CTNNA3: variants seen among roughly 807,000 people sequenced by gnomAD.
The protein encoded by CTNNA3 is catenin alpha-3.
CTNNA3 carries 76 observed loss-of-function variants against 95.7 expected under a neutral mutation model. The ratio of observed to expected loss-of-function variants is 0.79; its 90% confidence interval spans 0.66 to 0.96. The LOEUF (loss-of-function observed/expected upper bound fraction) is 0.96, where lower values mean the gene tolerates loss of function less well. Ranked by LOEUF, CTNNA3 falls within the 40% of genes least tolerant of loss-of-function variation. The probability of loss-of-function intolerance (pLI) is 0.00; values close to 1 mark genes in which losing one functional copy is unlikely to be tolerated. For missense variants in CTNNA3, 1,191 were observed against 1,089.8 expected (o/e 1.09, Z -1.31); for synonymous variants, 431 against 374.4 (o/e 1.15, Z -1.74).
Position 66,069,426 on chromosome 10 carries a change from T to C in CTNNA3, c.2041A>G (p.Lys681Glu), listed in dbSNP as rs142116698. ...GCATCCAGCTTACTCTTTACTTTCT[T>C]GAAATCAGCAACTTGCTCAGCAATC... ...EKIAEQVADFKKVKSKLDAEI... is the reference protein window; with the variant it reads ...EKIAEQVADFEKVKSKLDAEI... The change falls in exon 15 of 18, where the codon AAG becomes GAG. Residue 681 changes from lysine to glutamate, a missense_variant. Coordinates refer to ENST00000433211, the MANE Select transcript of CTNNA3 (RefSeq NM_013266.4). 2.8e-5 allele frequency: 45 copies of C among 1,613,656 alleles called. No homozygotes were observed. Among genetic ancestry groups the C allele is most frequent in the Non-Finnish European group, 3.7e-5 (44 of 1,179,768 alleles).
At chr10:66,264,841 C>T (rs1024430844) in intron 13 of CTNNA3, among the ~76,000 whole-genome samples, 20 of 151,956 alleles carry the variant, frequency 1.3e-4, no homozygotes, top group Non-Finnish European at 1.9e-4. Context: ...CTGAAAACGA[C>T]ATAATCCTCT....
At chr10:66,669,423 G>A (rs961632114) in intron 9 of CTNNA3, among the ~76,000 whole-genome samples, 3 of 151,826 alleles carry the variant, frequency 2.0e-5, no homozygotes, top group Admixed American at 6.6e-5. Context: ...TGTGCCTGTA[G>A]TCCCAGCTAC....
chr10:66,128,281 A>T, intron 13 of CTNNA3, among the ~76,000 whole-genome samples: 1 of 152,198 alleles, frequency 6.6e-6, no homozygotes, highest in East Asian at 1.9e-4. Context: ...TTTGGAAAAA[A>T]TGAGCTAAAT....
intron 17 of CTNNA3, among the ~76,000 whole-genome samples, chr10:65,956,944 G>T (rs535725467): frequency 6.6e-6 from 1 of 152,256 alleles, no homozygotes; most frequent in Admixed American, 6.5e-5. Flanking sequence ...GGATATCCTT[G>T]TTAACTTTCT....
intron 13 of CTNNA3, among the ~76,000 whole-genome samples, chr10:66,178,433 A>G (rs1384621853): frequency 2.6e-5 from 3 of 116,528 alleles, no homozygotes; most frequent in Non-Finnish European, 5.5e-5. Context: ...ATATATATAT[A>G]TATATATATA....
At chr10:67,107,187 A>C (rs1443747788) in intron 7 of CTNNA3, among the ~76,000 whole-genome samples, 1 of 152,202 alleles carries the variant, frequency 6.6e-6, no homozygotes, top group African/African-American at 2.4e-5. Flanking sequence ...TGTTAAATTC[A>C]TGCTTCTCTG....
chr10:66,639,178 G>C (rs2894007), intron 9 of CTNNA3, among the ~76,000 whole-genome samples: 1 of 151,818 alleles, frequency 6.6e-6, no homozygotes, highest in Non-Finnish European at 1.5e-5. Context: ...AAGCCTCAAA[G>C]GCTATGGTAC....
At chr10:67,155,551 TG>T (rs201291731) in intron 7 of CTNNA3, among the ~76,000 whole-genome samples, 95,615 of 151,308 alleles carry the variant, frequency 0.63, 31,363 homozygotes, top group African/African-American at 0.82. Context: ...GTGTGTGTGT[TG>T]TACATTCATT....
intron 5 of CTNNA3, among the ~76,000 whole-genome samples, chr10:67,337,620 T>A (rs547392017): frequency 1.1e-3 from 172 of 152,202 alleles, no homozygotes; most frequent in African/African-American, 3.8e-3. Flanking sequence ...ATAGAGAAAT[T>A]TTTCATTAAA....
At chr10:66,174,707 T>C (rs1260784784) in intron 13 of CTNNA3, among the ~76,000 whole-genome samples, 3 of 152,074 alleles carry the variant, frequency 2.0e-5, no homozygotes, top group Non-Finnish European at 4.4e-5. Context: ...ACTGTGGGAC[T>C]TGAGTGTGCA....
intron 7 of CTNNA3, among the ~76,000 whole-genome samples, chr10:67,167,065 C>G (rs1375813751): frequency 1.3e-5 from 2 of 151,942 alleles, no homozygotes; most frequent in East Asian, 3.9e-4. Flanking sequence ...CAAGATCGTG[C>G]CATGGCACTC....
chr10:67,558,430 A>G (rs920578955), intron 3 of CTNNA3, among the ~76,000 whole-genome samples: 2 of 152,222 alleles, frequency 1.3e-5, no homozygotes, highest in Admixed American at 1.3e-4. Context: ...CTTCACTGAG[A>G]TTGCTATAAA....
chr10:67,276,658 C>T (rs1036863017), intron 5 of CTNNA3, among the ~76,000 whole-genome samples: 7 of 151,690 alleles, frequency 4.6e-5, no homozygotes, highest in South Asian at 2.1e-4. Flanking sequence ...ATACATTTGC[C>T]GATGAAATGA....
At chr10:67,484,079 T>A (rs777846011) in intron 5 of CTNNA3, among the ~76,000 whole-genome samples, 2 of 152,160 alleles carry the variant, frequency 1.3e-5, no homozygotes, top group African/African-American at 2.4e-5. Context: ...CTTCAAACTA[T>A]ACTCTAAGGC....
intron 7 of CTNNA3, among the ~76,000 whole-genome samples, chr10:66,846,105 C>T (rs1843263489): frequency 1.3e-5 from 2 of 150,930 alleles, no homozygotes; most frequent in Admixed American, 1.3e-4. Flanking sequence ...GCACTCCAGC[C>T]TGGGTGACAG....
intron 7 of CTNNA3, among the ~76,000 whole-genome samples, chr10:67,046,411 G>A (rs1219717117): frequency 6.6e-6 from 1 of 152,086 alleles, no homozygotes. Flanking sequence ...CTGAAACAGG[G>A]ATTCTCAACA....
At chr10:66,903,406 C>T (rs920276074) in intron 7 of CTNNA3, among the ~76,000 whole-genome samples, 1 of 152,112 alleles carries the variant, frequency 6.6e-6, no homozygotes, top group Non-Finnish European at 1.5e-5. Flanking sequence ...TTATGACAAA[C>T]CCACAGCCAA....
At chr10:67,171,240 A>C (rs1404023154) in intron 7 of CTNNA3, among the ~76,000 whole-genome samples, 3 of 152,204 alleles carry the variant, frequency 2.0e-5, no homozygotes, top group Non-Finnish European at 4.4e-5. Context: ...CTTCTTGCTA[A>C]ATCTTATGTG....
chr10:67,045,586 T>C (rs1854683340), intron 7 of CTNNA3, among the ~76,000 whole-genome samples: 1 of 152,146 alleles, frequency 6.6e-6, no homozygotes, highest in African/African-American at 2.4e-5. Context: ...GAACTTCCAT[T>C]GCGTGACGGG....
Sources: gnomAD v4.1 joint callset for allele counts (sites outside exome capture counted in the v4.1 genomes callset) on GRCh38, gnomAD v4.1.1 for gene constraint, MANE v1.5 for transcripts, NCBI Gene and HGNC (gene_info 2026-07-23, HGNC 2026-07-21) for gene names.